OR51B5: variants seen among roughly 807,000 people sequenced by gnomAD.
The protein encoded by OR51B5 is olfactory receptor family 51 subfamily B member 5, also known as olfactory receptor 51B5.
For synonymous variants in OR51B5, 186 were observed against 144.8 expected, an observed-to-expected ratio of 1.28 and a Z score of -2.04; for missense variants, 456 against 374.6, an observed-to-expected ratio of 1.22 and a Z score of -1.79.
rs927738626 is a variant in OR51B5 at position 5,358,030 on chromosome 11, G to A, written n.85-11120C>T. Reference sequence around the variant, plus strand: ...AATTTATAGCACTAAACGCCCAGAAGAGAAAGCAGGAAAGATCTAAAATTG... The same window carrying A: ...AATTTATAGCACTAAACGCCCAGAAAAGAAAGCAGGAAAGATCTAAAATTG... On this transcript the variant is annotated intron_variant and non_coding_transcript_variant, in intron 1 of 4. Coordinates refer to the OR51B5 transcript ENST00000415970. Among the ~76,000 whole-genome samples, 11 of 151,842 alleles carry A rather than the reference G, an allele frequency of 7.2e-5. 1 individual carries two copies. Among genetic ancestry groups the A allele is most frequent in the Admixed American group, 3.3e-4 (5 of 15,246 alleles).
At chr11:5,350,325 A>G (rs1181837918) in intron 1 of OR51B5, among the ~76,000 whole-genome samples, 3 of 152,230 alleles carry the variant, frequency 2.0e-5, no homozygotes, top group Non-Finnish European at 4.4e-5. Context: ...AAGTCCAGTA[A>G]TCTTGGATGC....
chr11:5,403,358 T>C (rs575778057), intron 1 of OR51B5: 4 of 471,628 alleles, frequency 8.5e-6, no homozygotes, highest in South Asian at 4.6e-5. Flanking sequence ...TTGCTTACTA[T>C]GTGCCTATGA....
intron 1 of OR51B5, chr11:5,468,656 ACATAGAAGAT>A (rs1425152580): frequency 6.6e-6 from 3 of 456,430 alleles, no homozygotes; most frequent in African/African-American, 6.0e-5. Flanking sequence ...AACCATAGGC[ACATAGAAGAT>A]CAGCACTGCA....
chr11:5,499,617 C>T (rs1240807222), intron 1 of OR51B5, among the ~76,000 whole-genome samples: 1 of 152,164 alleles, frequency 6.6e-6, no homozygotes. Flanking sequence ...AGTTATTCTC[C>T]TTCTTAAAGG....
At chr11:5,495,078 C>T (rs1245665915) in intron 1 of OR51B5, among the ~76,000 whole-genome samples, 1 of 152,078 alleles carries the variant, frequency 6.6e-6, no homozygotes, top group Non-Finnish European at 1.5e-5. Flanking sequence ...GCCAACTACC[C>T]ATAAACAAGA....
At chr11:5,416,981 G>A (rs1850254349) in intron 1 of OR51B5, among the ~76,000 whole-genome samples, 1 of 145,014 alleles carries the variant, frequency 6.9e-6, no homozygotes, top group Admixed American at 7.0e-5. Context: ...TCAATCCTAA[G>A]CCAAAAGAAC....
intron 1 of OR51B5, chr11:5,468,746 T>C (rs570188701): frequency 9.2e-5 from 42 of 456,534 alleles, no homozygotes; most frequent in South Asian, 6.4e-4. Flanking sequence ...CAGCACAGAA[T>C]GTAGAATGAG....
At chr11:5,379,143 GA>G (rs1439624943) in intron 1 of OR51B5, among the ~76,000 whole-genome samples, 3 of 151,834 alleles carry the variant, frequency 2.0e-5, no homozygotes, top group African/African-American at 7.3e-5. Flanking sequence ...TAAAAATGAT[GA>G]GTTCATGTCC....
At chr11:5,455,353 G>GC (rs1850934851) in intron 1 of OR51B5, 11 of 57,970 alleles carry the variant, frequency 1.9e-4, no homozygotes, top group East Asian at 9.0e-4. Context: ...ATTTCCAGTT[G>GC]CAAAAAAAAA....
At chr11:5,437,477 C>T (rs1484611507) in intron 1 of OR51B5, among the ~76,000 whole-genome samples, 3 of 152,178 alleles carry the variant, frequency 2.0e-5, no homozygotes, top group Admixed American at 6.5e-5. Flanking sequence ...CCATGGTCTG[C>T]CAAGTTACTA....
intron 1 of OR51B5, chr11:5,391,741 A>T (rs1849798498): frequency 6.7e-6 from 1 of 148,280 alleles, no homozygotes; most frequent in African/African-American, 2.5e-5. Flanking sequence ...TAAAATTACC[A>T]TGAGGCCAGG....
At chr11:5,447,406 G>T (rs942388389) in intron 1 of OR51B5, among the ~76,000 whole-genome samples, 2 of 152,166 alleles carry the variant, frequency 1.3e-5, no homozygotes, top group East Asian at 1.9e-4. Context: ...TGTAGTTCTA[G>T]TAACCCCACC....
At chr11:5,353,314 T>G (rs1849132690) in intron 1 of OR51B5, among the ~76,000 whole-genome samples, 1 of 152,184 alleles carries the variant, frequency 6.6e-6, no homozygotes, top group Non-Finnish European at 1.5e-5. Context: ...AGATGACCAT[T>G]GTCTTGATAG....
At chr11:5,455,854 T>C (rs1455387784) in intron 1 of OR51B5, 1 of 152,070 alleles carries the variant, frequency 6.6e-6, no homozygotes, top group Non-Finnish European at 1.5e-5. Flanking sequence ...AAGACACCAA[T>C]AATATATGTG....
At chr11:5,477,986 G>C (rs1416897715) in intron 1 of OR51B5, among the ~76,000 whole-genome samples, 2 of 151,954 alleles carry the variant, frequency 1.3e-5, no homozygotes, top group Non-Finnish European at 2.9e-5. Context: ...CAGCCGGGAA[G>C]CTCCAACTGG....
At chr11:5,408,477 G>A (rs1051771279) in intron 1 of OR51B5, among the ~76,000 whole-genome samples, 1 of 150,748 alleles carries the variant, frequency 6.6e-6, no homozygotes, top group Non-Finnish European at 1.5e-5. Flanking sequence ...CACAGCAACT[G>A]TTCTAATTCC....
At chr11:5,453,744 T>C (rs1401067007) in intron 1 of OR51B5, 12 of 1,614,238 alleles carry the variant, frequency 7.4e-6, no homozygotes, top group Non-Finnish European at 1.0e-5. Flanking sequence ...CCGAACCTTC[T>C]GCCTCAATGC....
At chr11:5,356,521 G>C (rs1465152746) in intron 1 of OR51B5, among the ~76,000 whole-genome samples, 3 of 146,124 alleles carry the variant, frequency 2.1e-5, no homozygotes, top group African/African-American at 7.7e-5. Context: ...GAAAGTGACG[G>C]GCAGAATGGA....
At chr11:5,343,810 G>T (rs1251399492), upstream of OR51B5, among the ~76,000 whole-genome samples, 8 of 152,268 alleles carry the variant, frequency 5.3e-5, no homozygotes, top group African/African-American at 1.7e-4. Flanking sequence ...AAAAAATTAT[G>T]TAAACTACAA....
Sources: gnomAD v4.1 joint callset for allele counts (sites outside exome capture counted in the v4.1 genomes callset) on GRCh38, gnomAD v4.1.1 for gene constraint, MANE v1.5 for transcripts, NCBI Gene and HGNC (gene_info 2026-07-23, HGNC 2026-07-21) for gene names.